The following OGN variants were observed in gnomAD, a reference collection of about 807,000 sequenced individuals.
OGN encodes osteoglycin.
OGN carries 19 observed loss-of-function variants against 30.8 expected under a neutral mutation model. That is an observed-to-expected ratio of 0.62 (90% CI 0.43 to 0.90). OGN has a LOEUF of 0.90. Ranked by LOEUF, OGN falls within the 40% of genes least tolerant of loss-of-function variation. The pLI is 0.00. For missense variants in OGN, 283 were observed against 349.7 expected, an observed-to-expected ratio of 0.81 and a Z score of 1.52; for synonymous variants, 126 against 128.3, an observed-to-expected ratio of 0.98 and a Z score of 0.12.
chr9:92,387,719 G>A (rs956558096), intron 5 of OGN, among the ~76,000 whole-genome samples: 1 of 152,084 alleles, frequency 6.6e-6, no homozygotes, highest in African/African-American at 2.4e-5. Flanking sequence ...GACTGTAGCA[G>A]CTTAGGACAT....
chr9:92,391,764 G>T (rs1842697605), intron 4 of OGN, among the ~76,000 whole-genome samples: 1 of 152,196 alleles, frequency 6.6e-6, no homozygotes. Context: ...AACCTCAGAT[G>T]GGAATGTGCA....
intron 4 of OGN, among the ~76,000 whole-genome samples, chr9:92,392,335 A>T (rs1270648508): frequency 6.6e-6 from 1 of 152,166 alleles, no homozygotes; most frequent in East Asian, 1.9e-4. Context: ...TTTAAAAAAT[A>T]CTTCCCTGCC....
At chr9:92,397,584 C>T (rs1276056135) in intron 3 of OGN, among the ~76,000 whole-genome samples, 1 of 152,172 alleles carries the variant, frequency 6.6e-6, no homozygotes. Context: ...CCCGCCTTGG[C>T]CTCCCAGAGT....
intron 4 of OGN, 66 bp downstream of exon 4, chr9:92,393,020 C>A: frequency 7.6e-7 from 1 of 1,321,780 alleles, no homozygotes; most frequent in African/African-American, 1.5e-5. Flanking sequence ...TATATAGAAA[C>A]TTGTGTTTAT....
chr9:92,398,722 A>G (rs1172909280), intron 3 of OGN, among the ~76,000 whole-genome samples: 2 of 152,172 alleles, frequency 1.3e-5, no homozygotes, highest in East Asian at 1.9e-4. Context: ...ATTGCATGCA[A>G]TGCTTTAGTG....
Position 92,385,566 on chromosome 9 carries a change from G to T in OGN, c.*54C>A. On this transcript the variant is annotated 3_prime_UTR_variant, in exon 7 of 7. Transcript: ENST00000375561. ...TACTTAAGTTCCTTTACTCATTGTT[G>T]AGACAGACTATTAGTGTAGGTGTAC... is the stretch of plus-strand genomic sequence containing the variant. The T allele has an allele frequency of 6.8e-7, 1 of 1,481,310 alleles. No individual in the cohort carries two copies. Among genetic ancestry groups the T allele is most frequent in the Non-Finnish European group, 9.4e-7 (1 of 1,069,076 alleles). The allele number at this position is 1,481,310 out of a possible 1,614,324, so 91.8% of individuals were successfully genotyped here. A position where few individuals can be genotyped will look rare whatever the true frequency, so the allele number is the denominator to read the frequency against.
At position 92,385,768 on chromosome 9, in the gene OGN, G is replaced by T; in HGVS notation, c.749C>A (p.Thr250Lys). ...ATTAGCCTTGCAGAATGTGTCATCT[G>T]TAATTGAAGCTATGTTGTTGAACTG... Reference protein sequence around the residue: ...HLQFNNIASITDDTFCKANDT... With the variant: ...HLQFNNIASIKDDTFCKANDT... The change falls in exon 7 of 7, where the codon ACA becomes AAA. Residue 250 changes from threonine to lysine, a missense_variant. Physicochemically the swap from Thr to Lys is moderately conservative, Grantham distance 78. Coordinates refer to ENST00000375561, the MANE Select transcript of OGN (RefSeq NM_014057.5). The T allele has an allele frequency of 6.2e-7, 1 of 1,613,994 alleles. No homozygotes were observed. The highest frequency in any genetic ancestry group is 2.2e-5 in the East Asian group (1 of 44,874).
rs10992323 is a variant in OGN, at chr9:92,397,576, C to T, written c.268+3516G>A. Among the ~76,000 whole-genome samples, 50 of 152,266 alleles carry T rather than the reference C, an allele frequency of 3.3e-4. No individual in the cohort carries two copies. In the East Asian group the frequency reaches 7.9e-3, roughly 24 times the overall value. On this transcript the variant is annotated intron_variant, in intron 3 of 6. Transcript: ENST00000375561. ...AATTCCTAACTTCAGGTGGTCCACC[C>T]GCCTTGGCCTCCCAGAGTGCTGATA...
chr9:92,400,274 C>T (rs550597591), intron 3 of OGN, among the ~76,000 whole-genome samples: 57 of 152,186 alleles, frequency 3.7e-4, no homozygotes, highest in Middle Eastern at 6.8e-3. Context: ...CTCAGCTTCC[C>T]GAGTAGCTGG....
At chr9:92,403,769 A>G (rs1843214308) in intron 1 of OGN, 1 of 607,708 alleles carries the variant, frequency 1.6e-6, no homozygotes, top group Non-Finnish European at 2.1e-6. Context: ...GGATACCTGT[A>G]GTATAAATAG....
intron 6 of OGN, 89 bp from the exon 7 acceptor site, chr9:92,385,879 G>T: frequency 1.7e-6 from 2 of 1,198,792 alleles, no homozygotes; most frequent in Non-Finnish European, 2.4e-6. Flanking sequence ...TAAGTCAGAG[G>T]TCTGAGTGCC....
chr9:92,401,041 T>C (rs750091432), intron 3 of OGN, 51 bp downstream of exon 3: 4 of 850,212 alleles, frequency 4.7e-6, no homozygotes, highest in South Asian at 1.4e-5. Flanking sequence ...ATAAAGTCCA[T>C]TATAGCTATT....
intron 2 of OGN, among the ~76,000 whole-genome samples, chr9:92,402,712 T>C (rs1206459531): frequency 6.6e-6 from 1 of 152,204 alleles, no homozygotes; most frequent in Non-Finnish European, 1.5e-5. Flanking sequence ...AAGTCCTATA[T>C]TGACTAGGTT....
At chr9:92,402,277 T>C (rs1283205801) in intron 2 of OGN, among the ~76,000 whole-genome samples, 1 of 152,180 alleles carries the variant, frequency 6.6e-6, no homozygotes, top group Non-Finnish European at 1.5e-5. Flanking sequence ...ATTAAAAGCA[T>C]TAACTGAAAG....
intron 6 of OGN, 112 bp downstream of exon 6, chr9:92,386,089 A>G: frequency 5.1e-6 from 4 of 777,184 alleles, no homozygotes; most frequent in South Asian, 1.6e-5. Flanking sequence ...CTATCACGCT[A>G]CTACAGTGAT....
chr9:92,404,418 CATTT>C (rs1843239419), intron 1 of OGN, 74 bp downstream of exon 1: 5 of 943,916 alleles, frequency 5.3e-6, no homozygotes, highest in Middle Eastern at 7.9e-4. Context: ...ATGGCCTTTA[CATTT>C]ATTAAGACTA....
rs561563287 is a variant in OGN, at chr9:92,383,699, C to T, written c.*1921G>A. 6.6e-6 allele frequency among the ~76,000 whole-genome samples: 1 copy of T among 151,842 alleles called. No homozygotes were observed. Among genetic ancestry groups the T allele is most frequent in the Non-Finnish European group, 1.5e-5 (1 of 67,956 alleles). On this transcript the variant is annotated 3_prime_UTR_variant, in exon 7 of 7. Coordinates refer to ENST00000375561, the MANE Select transcript of OGN (RefSeq NM_014057.5). Reference sequence around the variant, plus strand: ...TAAGGTATGCATGTTCATATATATCCTCTTATCTAGAAATCCCCAAATTAT... The same window carrying T: ...TAAGGTATGCATGTTCATATATATCTTCTTATCTAGAAATCCCCAAATTAT...
In OGN at chr9:92,385,543, CT is replaced by C. The variant is rs902333832; in HGVS notation, c.*76del. ...ATACAAGGTTAATATTAAACCAATA[CT>C]TAAGTTCCTTTACTCATTGTTGAGA... On this transcript the variant is annotated 3_prime_UTR_variant, in exon 7 of 7. Transcript: ENST00000375561. The C allele has an allele frequency of 7.1e-6, 9 of 1,262,578 alleles. No homozygotes were observed. Among genetic ancestry groups the C allele is most frequent in the Non-Finnish European group, 1.0e-5 (9 of 891,668 alleles). The allele number at this position is 1,262,578 out of a possible 1,614,324, so 78.2% of individuals were successfully genotyped here.
At chr9:92,404,404 A>C in intron 1 of OGN, 92 bp downstream of exon 1, 2 of 778,684 alleles carry the variant, frequency 2.6e-6, no homozygotes, top group Non-Finnish European at 3.5e-6. Context: ...AACTTAAACC[A>C]GAGATGGCCT....
Sources: gnomAD v4.1 joint callset for allele counts (sites outside exome capture counted in the v4.1 genomes callset) on GRCh38, gnomAD v4.1.1 for gene constraint, MANE v1.5 for transcripts, NCBI Gene and HGNC (gene_info 2026-07-23, HGNC 2026-07-21) for gene names.